The following CNTN5 variants were observed in gnomAD, a reference collection of about 807,000 sequenced individuals.
The protein encoded by CNTN5 is contactin-5.
CNTN5 carries 77 observed loss-of-function variants against 129.1 expected under a neutral mutation model. That is an observed-to-expected ratio of 0.60 (90% confidence interval 0.50 to 0.72). The LOEUF (loss-of-function observed/expected upper bound fraction) is 0.72. Ranked by LOEUF, CNTN5 falls within the 30% of genes least tolerant of loss-of-function variation. The pLI is 0.00. For missense variants in CNTN5, 1,478 were observed against 1,328.8 expected, an observed-to-expected ratio of 1.11 and a Z score of -1.75; for synonymous variants, 509 against 465.6, an observed-to-expected ratio of 1.09 and a Z score of -1.20.
intron 13 of CNTN5, among the ~76,000 whole-genome samples, chr11:100,162,422 T>C (rs547345736): frequency 6.6e-6 from 1 of 152,036 alleles, no homozygotes; most frequent in East Asian, 1.9e-4. Flanking sequence ...CAAATTATTA[T>C]TTTATTATAA....
intron 13 of CNTN5, 91 bp from the exon 14 acceptor site, chr11:100,191,035 C>G: frequency 1.2e-6 from 1 of 800,732 alleles, no homozygotes; most frequent in Non-Finnish European, 1.9e-6. Context: ...TATTATCACC[C>G]TAGAAATGGT....
chr11:99,085,194 A>C (rs886698520), intron 1 of CNTN5, among the ~76,000 whole-genome samples: 4 of 151,652 alleles, frequency 2.6e-5, no homozygotes, highest in Non-Finnish European at 5.9e-5. Context: ...ACAGGCAGGT[A>C]CCCCCACGCC....
chr11:100,258,234 G>A (rs183511014), intron 17 of CNTN5, among the ~76,000 whole-genome samples: 1 of 152,168 alleles, frequency 6.6e-6, no homozygotes, highest in Admixed American at 6.5e-5. Flanking sequence ...GACAAGATTA[G>A]AGAAAAAAGA....
rs138352425 is a variant in CNTN5 at position 99,471,534 on chromosome 11, T to C, written c.-70-84611T>C. ...AAGAGCACAGATTATTCTTAACCCC[T>C]ACTTTGCAATTTAAAAGCTGTGCCA... On this transcript the variant is annotated intron_variant, in intron 2 of 24. Transcript: ENST00000524871. 1.3e-4 allele frequency among the ~76,000 whole-genome samples: 20 copies of C among 152,220 alleles called. No individual in the cohort carries two copies. In the East Asian group the frequency reaches 1.7e-3, roughly 13 times the overall value.
At chr11:99,634,207 G>A (rs1389387789) in intron 3 of CNTN5, among the ~76,000 whole-genome samples, 5 of 152,182 alleles carry the variant, frequency 3.3e-5, no homozygotes, top group Non-Finnish European at 7.4e-5. Context: ...CCTGATTAAC[G>A]TCTACACTTC....
rs147379494 is a variant in CNTN5, at chr11:99,066,068, G to T, written c.-210+44798G>T. 3.3e-5 allele frequency among the ~76,000 whole-genome samples: 5 copies of T among 152,026 alleles called. No individual in the cohort carries two copies. In the South Asian group the frequency reaches 1.0e-3, roughly 32 times the overall value. ...TGTTGTTTATTAAATATAGATACAC[G>T]CATATGCCATATATTCAAATAACTT... On this transcript the variant is annotated intron_variant, in intron 1 of 24. Coordinates refer to ENST00000524871, the MANE Select transcript of CNTN5 (RefSeq NM_014361.4).
chr11:99,674,625 G>A (rs67738404), intron 3 of CNTN5, among the ~76,000 whole-genome samples: 7,011 of 152,124 alleles, frequency 0.046, 200 homozygotes, highest in East Asian at 0.1. Flanking sequence ...AGACCCAAAC[G>A]AATTGCAGCT....
intron 7 of CNTN5, among the ~76,000 whole-genome samples, chr11:99,950,908 C>T (rs1009914984): frequency 3.9e-5 from 6 of 152,082 alleles, no homozygotes; most frequent in African/African-American, 1.2e-4. Flanking sequence ...TTAATTTTCC[C>T]TCTGACTCTA....
At chr11:99,960,895 A>G (rs1301519404) in intron 8 of CNTN5, among the ~76,000 whole-genome samples, 3 of 152,052 alleles carry the variant, frequency 2.0e-5, no homozygotes, top group South Asian at 2.1e-4. Context: ...GAGAGATAAT[A>G]AGATAATAGG....
chr11:99,063,923 G>T (rs10892746), intron 1 of CNTN5, among the ~76,000 whole-genome samples: 1 of 151,702 alleles, frequency 6.6e-6, no homozygotes, highest in Admixed American at 6.6e-5. Flanking sequence ...TAAGTGTGCA[G>T]TTTTTACCTA....
At chr11:99,866,882 T>A (rs1014311912) in intron 6 of CNTN5, among the ~76,000 whole-genome samples, 2 of 152,170 alleles carry the variant, frequency 1.3e-5, no homozygotes, top group African/African-American at 4.8e-5. Context: ...TCTTCACCCT[T>A]CCCACAACAT....
At chr11:99,897,989 A>G (rs1224027131) in intron 6 of CNTN5, among the ~76,000 whole-genome samples, 1 of 152,190 alleles carries the variant, frequency 6.6e-6, no homozygotes, top group African/African-American at 2.4e-5. Context: ...AGCAGGTTGA[A>G]CAACAGCATC....
At chr11:99,872,917 C>T (rs1948539682) in intron 6 of CNTN5, among the ~76,000 whole-genome samples, 1 of 152,084 alleles carries the variant, frequency 6.6e-6, no homozygotes, top group Admixed American at 6.6e-5. Flanking sequence ...CTCTATATAG[C>T]TAACCAACCG....
chr11:100,159,514 T>C (rs558893830), intron 13 of CNTN5, among the ~76,000 whole-genome samples: 5 of 151,656 alleles, frequency 3.3e-5, no homozygotes, highest in Non-Finnish European at 7.4e-5. Context: ...TGCAATTACA[T>C]TGAAGAGATG....
intron 2 of CNTN5, among the ~76,000 whole-genome samples, chr11:99,501,256 C>T (rs188699872): frequency 3.9e-4 from 60 of 152,276 alleles, no homozygotes; most frequent in African/African-American, 1.3e-3. Context: ...CAGTGACAAG[C>T]TTCTGCTCAG....
chr11:99,690,698 G>A (rs890481000), intron 3 of CNTN5, among the ~76,000 whole-genome samples: 3 of 152,006 alleles, frequency 2.0e-5, no homozygotes, highest in Non-Finnish European at 4.4e-5. Context: ...CACATCCCTC[G>A]TTAGCTGTAT....
chr11:99,862,424 A>G (rs1309573326), intron 6 of CNTN5, among the ~76,000 whole-genome samples: 1 of 152,030 alleles, frequency 6.6e-6, no homozygotes, highest in Non-Finnish European at 1.5e-5. Context: ...TATAACTATA[A>G]AACAGAATTG....
intron 8 of CNTN5, among the ~76,000 whole-genome samples, chr11:99,985,951 C>G (rs978458159): frequency 6.6e-6 from 1 of 152,144 alleles, no homozygotes; most frequent in Non-Finnish European, 1.5e-5. Context: ...GTGGTAATAG[C>G]CTGAATCTTG....
intron 3 of CNTN5, among the ~76,000 whole-genome samples, chr11:99,816,787 T>C (rs55904157): frequency 0.035 from 5,364 of 152,226 alleles, 141 homozygotes; most frequent in South Asian, 0.1. Flanking sequence ...TGTTTACTTA[T>C]TCAGCCTTAC....
Sources: gnomAD v4.1 joint callset for allele counts (sites outside exome capture counted in the v4.1 genomes callset) on GRCh38, gnomAD v4.1.1 for gene constraint, MANE v1.5 for transcripts, NCBI Gene and HGNC (gene_info 2026-07-23, HGNC 2026-07-21) for gene names.